FAM241A: variants seen among roughly 807,000 people sequenced by gnomAD.
FAM241A encodes family with sequence similarity 241 member A.
In FAM241A, 7 loss-of-function variants were observed where a neutral mutation model predicts 12.2. That is an observed-to-expected ratio of 0.58 (90% CI 0.33 to 1.08). The LOEUF is 1.08. FAM241A is among the 50% of genes least tolerant of loss of function. The probability of loss-of-function intolerance (pLI) is 0.04; values close to 1 mark genes in which losing one functional copy is unlikely to be tolerated. For missense variants in FAM241A, 161 were observed against 169.7 expected (o/e 0.95, Z 0.29); for synonymous variants, 74 against 68.2 (o/e 1.08, Z -0.42).
At chr4:112,161,496 G>A (rs972530888) in intron 1 of FAM241A, among the ~76,000 whole-genome samples, 1 of 152,154 alleles carries the variant, frequency 6.6e-6, no homozygotes, top group Non-Finnish European at 1.5e-5. Flanking sequence ...CAATCCCACG[G>A]AAATACAAAC....
intron 1 of FAM241A, among the ~76,000 whole-genome samples, chr4:112,165,686 T>C (rs1723580743): frequency 6.6e-6 from 1 of 152,116 alleles, no homozygotes; most frequent in Non-Finnish European, 1.5e-5. Context: ...TCTTACTTAC[T>C]TGTGGGATCT....
At chr4:112,177,575 A>G (rs1211074270) in intron 1 of FAM241A, among the ~76,000 whole-genome samples, 1 of 152,252 alleles carries the variant, frequency 6.6e-6, no homozygotes, top group South Asian at 2.1e-4. Flanking sequence ...TCCTTTACAG[A>G]TTGTTGCAAA....
chr4:112,159,837 A>C (rs1198181321), intron 1 of FAM241A, among the ~76,000 whole-genome samples: 1 of 152,218 alleles, frequency 6.6e-6, no homozygotes, highest in Admixed American at 6.5e-5. Flanking sequence ...ATGGAGAAAA[A>C]ATGAAAGTCT....
At chr4:112,162,109 ACC>A (rs1295399875) in intron 1 of FAM241A, among the ~76,000 whole-genome samples, 2 of 152,146 alleles carry the variant, frequency 1.3e-5, no homozygotes, top group Non-Finnish European at 2.9e-5. Flanking sequence ...AAATTCAACA[ACC>A]CTTCATGCTA....
At chr4:112,149,169 AT>A (rs915078448) in intron 1 of FAM241A, among the ~76,000 whole-genome samples, 1 of 152,068 alleles carries the variant, frequency 6.6e-6, no homozygotes, top group Admixed American at 6.6e-5. Context: ...GTGTATATGC[AT>A]ATATACACAC....
chr4:112,150,658 G>A (rs1235649172), intron 1 of FAM241A, among the ~76,000 whole-genome samples: 2 of 151,824 alleles, frequency 1.3e-5, no homozygotes, highest in Non-Finnish European at 2.9e-5. Context: ...GGTTCAGTGA[G>A]GGGGGTCCAT....
At chr4:112,176,395 G>A (rs1292784866) in intron 1 of FAM241A, among the ~76,000 whole-genome samples, 2 of 152,118 alleles carry the variant, frequency 1.3e-5, no homozygotes, top group African/African-American at 4.8e-5. Flanking sequence ...CTCTAAAGTA[G>A]GTATTATTAT....
Position 112,187,871 on chromosome 4 carries a change from T to A in FAM241A, c.*933T>A, listed in dbSNP as rs1724078322. ...TGACATGGATTTTTTCACAAAAAAT[T>A]TGTATTTTACTGTTGTTTTCAGGAA... On this transcript the variant is annotated 3_prime_UTR_variant, in exon 2 of 2. Coordinates refer to ENST00000309733, the MANE Select transcript of FAM241A (RefSeq NM_152400.3). 6.6e-6 allele frequency: 1 copy of A among 152,184 alleles called. No homozygotes were observed. Among genetic ancestry groups the A allele is most frequent in the South Asian group, 2.1e-4 (1 of 4,834 alleles). 9.4% of individuals were successfully genotyped at this position (152,184 alleles called of 1,614,324 possible). A position where few individuals can be genotyped will look rare whatever the true frequency, so the allele number is the denominator to read the frequency against.
intron 1 of FAM241A, 129 bp downstream of exon 1, chr4:112,145,862 G>T (rs540450157): frequency 2.1e-6 from 1 of 486,756 alleles, no homozygotes; most frequent in Non-Finnish European, 2.8e-6. Context: ...CTGGCTCCCC[G>T]GCGCTCTGGG....
chr4:112,160,419 A>G (rs981066581), intron 1 of FAM241A, among the ~76,000 whole-genome samples: 5 of 151,400 alleles, frequency 3.3e-5, no homozygotes, highest in African/African-American at 4.9e-5. Context: ...AAAAAAAAAA[A>G]GGAAAGATAT....
In FAM241A at chr4:112,162,497, G is replaced by A. The variant is rs1340500502; in HGVS notation, c.153+16764G>A. Among the ~76,000 whole-genome samples the A allele has an allele frequency of 5.9e-5, 9 of 152,254 alleles. No individual in the cohort carries two copies. The East Asian group carries it at 1.7e-3, about 29-fold the overall frequency. ...CAAAATCAATGTGCAAAAATCACAAGCATTCCTCCACACCAATAACAGACA... is the reference window on the plus strand; with the variant it reads ...CAAAATCAATGTGCAAAAATCACAAACATTCCTCCACACCAATAACAGACA... On this transcript the variant is annotated intron_variant, in intron 1 of 1. Transcript: ENST00000309733.
At chr4:112,170,341 T>A (rs912786505) in intron 1 of FAM241A, among the ~76,000 whole-genome samples, 4 of 152,206 alleles carry the variant, frequency 2.6e-5, no homozygotes, top group African/African-American at 9.7e-5. Flanking sequence ...TATACTGTTT[T>A]TCCTGTGTGT....
chr4:112,181,680 A>G (rs968443756), intron 1 of FAM241A, among the ~76,000 whole-genome samples: 2 of 152,352 alleles, frequency 1.3e-5, no homozygotes, highest in South Asian at 4.1e-4. Flanking sequence ...AACTAAGCAA[A>G]GGAGAGAGGA....
intron 1 of FAM241A, among the ~76,000 whole-genome samples, chr4:112,164,940 A>G (rs1015733335): frequency 6.6e-6 from 1 of 152,108 alleles, no homozygotes; most frequent in African/African-American, 2.4e-5. Flanking sequence ...GTGAAACCCC[A>G]TCTCTCCAAA....
At position 112,180,923 on chromosome 4, in the gene FAM241A, A is replaced by T. The variant is rs1274919011; in HGVS notation, c.154-5770A>T. ...TATAATTCTTATGGAAGCAATAGAA[A>T]ACTAATATTAAGTACAAGTTCTCTT... is the stretch of plus-strand genomic sequence containing the variant. On this transcript the variant is annotated intron_variant, in intron 1 of 1. Transcript: ENST00000309733. Among the ~76,000 whole-genome samples the T allele has an allele frequency of 2.0e-5, 3 of 152,214 alleles. No individual in the cohort carries two copies. The East Asian group carries it at 5.8e-4, about 29-fold the overall frequency.
intron 1 of FAM241A, among the ~76,000 whole-genome samples, chr4:112,176,512 C>T (rs868340874): frequency 5.3e-5 from 8 of 152,234 alleles, no homozygotes; most frequent in South Asian, 4.1e-4. Context: ...CTGTTTGCTA[C>T]GAAAGCCTTG....
At chr4:112,177,024 A>G (rs553025834) in intron 1 of FAM241A, among the ~76,000 whole-genome samples, 5 of 152,248 alleles carry the variant, frequency 3.3e-5, no homozygotes, top group African/African-American at 4.8e-5. Flanking sequence ...TCTTATTGCA[A>G]TTCTGCCAAC....
chr4:112,172,404 A>C (rs1456032871), intron 1 of FAM241A, among the ~76,000 whole-genome samples: 1 of 152,234 alleles, frequency 6.6e-6, no homozygotes, highest in Non-Finnish European at 1.5e-5. Context: ...TGTAAACCAC[A>C]GAATCGGTTT....
At chr4:112,185,450 C>G (rs1353413664) in intron 1 of FAM241A, among the ~76,000 whole-genome samples, 3 of 152,312 alleles carry the variant, frequency 2.0e-5, no homozygotes, top group Non-Finnish European at 4.4e-5. Context: ...GCCCAGCAAG[C>G]TGTGCTTTAA....
Sources: allele counts gnomAD v4.1 joint callset (sites outside exome capture counted in the v4.1 genomes callset), GRCh38; gene constraint gnomAD v4.1.1; transcripts MANE v1.5; gene names NCBI Gene and HGNC (gene_info 2026-07-23, HGNC 2026-07-21).